Variants in GPC5 observed in about 807,000 individuals in gnomAD.
The protein encoded by GPC5 is glypican 5, also known as glypican-5.
GPC5 carries 47 observed loss-of-function variants against 53.9 expected under a neutral mutation model. The ratio of observed to expected loss-of-function variants is 0.87; its 90% CI spans 0.69 to 1.11. The LOEUF (loss-of-function observed/expected upper bound fraction) is 1.11, where lower values mean the gene tolerates loss of function less well. Among genes scored for constraint, GPC5 ranks in the 50% most tolerant of loss-of-function variants. The pLI is 0.00. For missense variants in GPC5, 748 were observed against 713.1 expected, an observed-to-expected ratio of 1.05 and a Z score of -0.56; for synonymous variants, 286 against 263.3, an observed-to-expected ratio of 1.09 and a Z score of -0.84.
At chr13:92,534,227 C>T (rs1881652429) in intron 7 of GPC5, among the ~76,000 whole-genome samples, 1 of 152,106 alleles carries the variant, frequency 6.6e-6, no homozygotes, top group African/African-American at 2.4e-5. Flanking sequence ...GAAAAGGTTG[C>T]AGTGAACATG....
intron 6 of GPC5, among the ~76,000 whole-genome samples, chr13:92,085,673 C>T (rs1421023630): frequency 1.3e-5 from 2 of 152,032 alleles, no homozygotes; most frequent in Non-Finnish European, 1.5e-5. Context: ...CAGTGGGAGC[C>T]CTGAGCTTGT....
chr13:91,741,509 GA>G lies in GPC5; in HGVS notation c.1154+12850del, dbSNP rs1268845501. 2.6e-5 allele frequency among the ~76,000 whole-genome samples: 4 copies of G among 152,016 alleles called. No individual in the cohort carries two copies. The East Asian group carries it at 5.8e-4, about 22-fold the overall frequency. ...AAGTGTTCAAAATAATTAAACGTGG[GA>G]AAAAATTTTAAATGTTTATTCAGTG... On this transcript the variant is annotated intron_variant, in intron 4 of 7. Coordinates refer to ENST00000377067, the MANE Select transcript of GPC5 (RefSeq NM_004466.6).
At chr13:92,410,830 G>A (rs540993484) in intron 7 of GPC5, among the ~76,000 whole-genome samples, 197 of 152,316 alleles carry the variant, frequency 1.3e-3, no homozygotes, top group African/African-American at 4.4e-3. Context: ...TCTCACAGCA[G>A]TGACTCCATT....
intron 2 of GPC5, among the ~76,000 whole-genome samples, chr13:91,572,994 G>T (rs1166537343): frequency 6.6e-6 from 1 of 152,114 alleles, no homozygotes; most frequent in Non-Finnish European, 1.5e-5. Flanking sequence ...TTTTAATACA[G>T]TTCCCCTCAA....
intron 7 of GPC5, among the ~76,000 whole-genome samples, chr13:92,842,923 C>A (rs1221745462): frequency 2.0e-5 from 3 of 151,958 alleles, no homozygotes; most frequent in Admixed American, 1.3e-4. Flanking sequence ...TCACTGAAAA[C>A]AATGACCTGG....
Position 92,315,207 on chromosome 13 carries a change from C to A in GPC5, c.1561+170218C>A, listed in dbSNP as rs146416847. Among the ~76,000 whole-genome samples, 7 of 152,300 alleles carry A rather than the reference C, an allele frequency of 4.6e-5. No individual in the cohort carries two copies. The East Asian group carries it at 1.2e-3, about 25-fold the overall frequency. ...AAGGTTACAGATGGAAGTGGAAATT[C>A]TCTCTGGGAAGTTCTGGAATAATCC... On this transcript the variant is annotated intron_variant, in intron 7 of 7. Coordinates refer to ENST00000377067, the MANE Select transcript of GPC5 (RefSeq NM_004466.6).
At chr13:92,797,062 G>C (rs116470601) in intron 7 of GPC5, among the ~76,000 whole-genome samples, 5 of 151,814 alleles carry the variant, frequency 3.3e-5, no homozygotes, top group African/African-American at 1.2e-4. Flanking sequence ...GAGCTAACCC[G>C]TACGGTGCAA....
intron 6 of GPC5, among the ~76,000 whole-genome samples, chr13:91,988,618 A>ACCT (rs988440600): frequency 6.6e-6 from 1 of 151,982 alleles, no homozygotes; most frequent in Non-Finnish European, 1.5e-5. Context: ...CAAAAATCAA[A>ACCT]CCTCCTGTAT....
Position 92,740,896 on chromosome 13 carries a change from T to TTA in GPC5, c.1562-125364_1562-125363dup, listed in dbSNP as rs59036154. Among the ~76,000 whole-genome samples the TTA allele has an allele frequency of 3.0e-3, 401 of 134,894 alleles. 1 individual carries two copies. Among genetic ancestry groups the TTA allele is most frequent in the South Asian group, 4.5e-3 (19 of 4,190 alleles). 88.5% of individuals were successfully genotyped at this position (134,894 alleles called of 152,430 possible). A position where few individuals can be genotyped will look rare whatever the true frequency, so the allele number is the denominator to read the frequency against. ...TATGTATGTATGTATATTTATTTAT[T>TTA]TATATATATATATATATATATATGT... On this transcript the variant is annotated intron_variant, in intron 7 of 7. Coordinates refer to ENST00000377067, the MANE Select transcript of GPC5 (RefSeq NM_004466.6).
Position 91,625,427 on chromosome 13 carries a change from T to C in GPC5, c.326-67760T>C, listed in dbSNP as rs1248890183. ...AAGAATGATAGATTTGTATAACTTT[T>C]GTCTTTCTTTATTGAGCATGGAGAA... On this transcript the variant is annotated intron_variant, in intron 2 of 7. Transcript: ENST00000377067. 3.3e-5 allele frequency among the ~76,000 whole-genome samples: 5 copies of C among 152,088 alleles called. 1 individual carries two copies. Among genetic ancestry groups the C allele is most frequent in the Admixed American group, 1.3e-4 (2 of 15,260 alleles).
intron 6 of GPC5, among the ~76,000 whole-genome samples, chr13:91,980,040 G>T (rs1039950163): frequency 6.6e-6 from 1 of 152,110 alleles, no homozygotes; most frequent in Non-Finnish European, 1.5e-5. Context: ...TGATGCAAAA[G>T]AATACTATAG....
chr13:92,613,563 AAT>A (rs1347623537), intron 7 of GPC5, among the ~76,000 whole-genome samples: 10 of 126,238 alleles, frequency 7.9e-5, no homozygotes, highest in Admixed American at 2.9e-4. Context: ...TATATACAAT[AAT>A]ATATATAATA....
chr13:92,454,081 A>G lies in GPC5; in HGVS notation c.1561+309092A>G, dbSNP rs535631368. Among the ~76,000 whole-genome samples, 3 of 152,330 alleles carry G rather than the reference A, an allele frequency of 2.0e-5. No homozygotes were observed. The East Asian group carries it at 5.8e-4, about 29-fold the overall frequency. ...AAACCTAAGTGTTAAACATATGTTC[A>G]TGGTTAAACCTATCTATGCTTAGTA... is the stretch of plus-strand genomic sequence containing the variant. On this transcript the variant is annotated intron_variant, in intron 7 of 7. Transcript: ENST00000377067.
chr13:92,540,863 A>G (rs950427138), intron 7 of GPC5, among the ~76,000 whole-genome samples: 3 of 151,900 alleles, frequency 2.0e-5, no homozygotes, highest in Non-Finnish European at 4.4e-5. Flanking sequence ...TAATAAAATA[A>G]TGAGAACACT....
At chr13:92,110,890 A>G (rs2041551329) in intron 6 of GPC5, among the ~76,000 whole-genome samples, 1 of 152,172 alleles carries the variant, frequency 6.6e-6, no homozygotes, top group Admixed American at 6.5e-5. Context: ...TAGGAAAAGG[A>G]ATCTTTCCTA....
intron 2 of GPC5, among the ~76,000 whole-genome samples, chr13:91,654,194 G>A (rs1333525588): frequency 2.0e-5 from 3 of 152,120 alleles, no homozygotes; most frequent in Non-Finnish European, 4.4e-5. Flanking sequence ...TCCACACAGT[G>A]AGAATTAATA....
chr13:92,507,051 A>G (rs1261683584), intron 7 of GPC5, among the ~76,000 whole-genome samples: 1 of 152,178 alleles, frequency 6.6e-6, no homozygotes, highest in Non-Finnish European at 1.5e-5. Flanking sequence ...TGCTTTGCAC[A>G]TGCAGCTTCC....
At chr13:91,749,870 G>A (rs939671182) in intron 4 of GPC5, among the ~76,000 whole-genome samples, 3 of 152,234 alleles carry the variant, frequency 2.0e-5, no homozygotes, top group Non-Finnish European at 4.4e-5. Context: ...GAGTGCAGTG[G>A]CACAGTCTCA....
chr13:92,122,874 A>C (rs1442973904), intron 6 of GPC5, among the ~76,000 whole-genome samples: 1 of 151,970 alleles, frequency 6.6e-6, no homozygotes, highest in East Asian at 1.9e-4. Context: ...CAACAAAAAA[A>C]AGCAATTTTT....
Sources: allele counts gnomAD v4.1 joint callset (sites outside exome capture counted in the v4.1 genomes callset), GRCh38; gene constraint gnomAD v4.1.1; transcripts MANE v1.5; gene names NCBI Gene and HGNC (gene_info 2026-07-23, HGNC 2026-07-21).